Variants in PCCA observed in about 807,000 individuals in gnomAD.
The protein encoded by PCCA is propionyl-CoA carboxylase alpha chain, mitochondrial.
Under a neutral mutation model 101.3 loss-of-function variants are expected in PCCA, and 74 were observed. The ratio of observed to expected loss-of-function variants is 0.73; its 90% CI spans 0.61 to 0.89. The LOEUF (loss-of-function observed/expected upper bound fraction) is 0.89, where lower values mean the gene tolerates loss of function less well. Among genes scored for constraint, PCCA ranks in the 40% least tolerant of loss-of-function variants. The pLI, the probability that PCCA is intolerant of heterozygous loss-of-function variation, is 0.00. For missense variants in PCCA, 891 were observed against 907.0 expected (o/e 0.98, Z 0.23); for synonymous variants, 294 against 313.6 (o/e 0.94, Z 0.66).
chr13:100,249,289 T>C (rs2061624199), intron 8 of PCCA, among the ~76,000 whole-genome samples: 1 of 152,242 alleles, frequency 6.6e-6, no homozygotes, highest in Non-Finnish European at 1.5e-5. Flanking sequence ...ATAAGGATTG[T>C]GGCAAGATTA....
At chr13:100,484,899 T>A (rs1473251963) in intron 21 of PCCA, among the ~76,000 whole-genome samples, 2 of 150,734 alleles carry the variant, frequency 1.3e-5, no homozygotes, top group African/African-American at 4.9e-5. Flanking sequence ...TGGTGACTGG[T>A]TTGGTTTTTA....
intron 1 of PCCA, among the ~76,000 whole-genome samples, chr13:100,094,678 C>T (rs2046606774): frequency 6.6e-6 from 1 of 152,170 alleles, no homozygotes; most frequent in Non-Finnish European, 1.5e-5. Flanking sequence ...ACCTCCGCCT[C>T]CGGGGTTCAA....
At chr13:100,204,199 G>A (rs190454111) in intron 6 of PCCA, among the ~76,000 whole-genome samples, 3 of 151,124 alleles carry the variant, frequency 2.0e-5, no homozygotes, top group African/African-American at 4.9e-5. Context: ...GTGCAGTCTC[G>A]GCTCACTGCA....
intron 21 of PCCA, among the ~76,000 whole-genome samples, chr13:100,510,205 C>T (rs1411032136): frequency 2.0e-5 from 3 of 152,176 alleles, no homozygotes; most frequent in African/African-American, 7.2e-5. Flanking sequence ...TTCAAAGGAA[C>T]CTCATCTCCA....
chr13:100,195,069 A>G (rs1283492452), intron 6 of PCCA, among the ~76,000 whole-genome samples: 1 of 152,198 alleles, frequency 6.6e-6, no homozygotes, highest in Non-Finnish European at 1.5e-5. Flanking sequence ...ATCAGGGAGA[A>G]ATGAAAACAG....
At chr13:100,139,505 C>G (rs1182832067) in intron 4 of PCCA, among the ~76,000 whole-genome samples, 1 of 151,826 alleles carries the variant, frequency 6.6e-6, no homozygotes, top group Non-Finnish European at 1.5e-5. Flanking sequence ...CATCTGTAGT[C>G]TACCCTTGAG....
At chr13:100,297,271 T>C (rs762621313) in intron 12 of PCCA, among the ~76,000 whole-genome samples, 27 of 152,220 alleles carry the variant, frequency 1.8e-4, no homozygotes, top group Non-Finnish European at 3.5e-4. Flanking sequence ...GGGAGATACT[T>C]TGAGACTCTA....
At chr13:100,360,114 C>T (rs1941855627) in intron 18 of PCCA, among the ~76,000 whole-genome samples, 4 of 151,942 alleles carry the variant, frequency 2.6e-5, no homozygotes. Context: ...CGAGGAGGGG[C>T]AAGTCACATC....
At chr13:100,193,176 G>A (rs2152452357) in intron 6 of PCCA, among the ~76,000 whole-genome samples, 1 of 152,286 alleles carries the variant, frequency 6.6e-6, no homozygotes, top group African/African-American at 2.4e-5. Context: ...GAAGGTGATT[G>A]AATTGCAGAT....
intron 8 of PCCA, among the ~76,000 whole-genome samples, chr13:100,255,926 T>G (rs1195258586): frequency 6.6e-6 from 1 of 152,218 alleles, no homozygotes; most frequent in Non-Finnish European, 1.5e-5. Flanking sequence ...TTCCTTAAAC[T>G]TGTCCTATAA....
At chr13:100,274,090 TCTC>T (rs887627479) in intron 12 of PCCA, among the ~76,000 whole-genome samples, 1 of 152,186 alleles carries the variant, frequency 6.6e-6, no homozygotes, top group African/African-American at 2.4e-5. Flanking sequence ...CTCATTTTCT[TCTC>T]CTTCTCAATG....
intron 21 of PCCA, among the ~76,000 whole-genome samples, chr13:100,506,378 C>T (rs1307104310): frequency 1.7e-3 from 25 of 14,536 alleles, no homozygotes; most frequent in Admixed American, 0.012. Flanking sequence ...CCTTCGCGGG[C>T]GGGGGTGGGG....
chr13:100,156,446 T>C (rs899304446), intron 5 of PCCA, among the ~76,000 whole-genome samples: 1 of 152,212 alleles, frequency 6.6e-6, no homozygotes, highest in African/African-American at 2.4e-5. Flanking sequence ...TTTGACTCTC[T>C]TTTTAGCAGA....
At chr13:100,223,606 C>T (rs2059949187) in intron 7 of PCCA, among the ~76,000 whole-genome samples, 1 of 152,144 alleles carries the variant, frequency 6.6e-6, no homozygotes, top group South Asian at 2.1e-4. Context: ...AAGAACAAAG[C>T]TTCCACAGTG....
At chr13:100,467,355 G>T (rs1444058077) in intron 21 of PCCA, among the ~76,000 whole-genome samples, 2 of 152,150 alleles carry the variant, frequency 1.3e-5, no homozygotes, top group African/African-American at 4.8e-5. Flanking sequence ...AGTTACTCTT[G>T]TATAGCGGGG....
intron 14 of PCCA, among the ~76,000 whole-genome samples, chr13:100,305,181 A>G (rs548461293): frequency 1.3e-5 from 2 of 152,348 alleles, no homozygotes; most frequent in East Asian, 3.9e-4. Flanking sequence ...TTAATTGGGA[A>G]TACTGATTTG....
Position 100,293,822 on chromosome 13 carries a change from A to C in PCCA, c.1066-7638A>C, listed in dbSNP as rs371319312. On this transcript the variant is annotated intron_variant, in intron 12 of 23. Transcript: ENST00000376285. ...ACTGAACCTTAGTAGAAAATGAAGG[A>C]AAGAAGTTTTTGGTATACAGATATG... is the stretch of plus-strand genomic sequence containing the variant. 9.8e-4 allele frequency among the ~76,000 whole-genome samples: 150 copies of C among 152,306 alleles called. 4 individuals are homozygous for C. The South Asian group carries it at 0.028, about 29-fold the overall frequency.
chr13:100,430,926 T>C (rs2079505220), intron 20 of PCCA, among the ~76,000 whole-genome samples: 1 of 152,236 alleles, frequency 6.6e-6, no homozygotes, highest in African/African-American at 2.4e-5. Context: ...ACTTTGTATG[T>C]ATGAATGCCC....
chr13:100,509,632 CAAGG>C (rs1001690936), intron 21 of PCCA, among the ~76,000 whole-genome samples: 2 of 152,042 alleles, frequency 1.3e-5, no homozygotes, highest in African/African-American at 2.4e-5. Flanking sequence ...TTTAGAAAAA[CAAGG>C]AAGAATATCT....
Sources: gnomAD v4.1 joint callset for allele counts (sites outside exome capture counted in the v4.1 genomes callset) on GRCh38, gnomAD v4.1.1 for gene constraint, MANE v1.5 for transcripts, NCBI Gene and HGNC (gene_info 2026-07-23, HGNC 2026-07-21) for gene names.